Variants in ARAP2 observed in about 807,000 individuals in gnomAD.
ARAP2 encodes arf-GAP with Rho-GAP domain, ANK repeat and PH domain-containing protein 2.
In ARAP2, 148 loss-of-function variants were observed where a neutral mutation model predicts 194.5. The observed-to-expected ratio is 0.76, with a 90% CI of 0.67 to 0.87. ARAP2 has a LOEUF of 0.87. ARAP2 is among the 40% of genes least tolerant of loss of function. The probability of loss-of-function intolerance (pLI) is 0.00; values close to 1 mark genes in which losing one functional copy is unlikely to be tolerated. For synonymous variants in ARAP2, 695 were observed against 683.5 expected (o/e 1.02, Z -0.26); for missense variants, 2,128 against 1,989.7 (o/e 1.07, Z -1.32).
intron 2 of ARAP2, among the ~76,000 whole-genome samples, chr4:36,224,529 C>T (rs1379121738): frequency 1.3e-5 from 2 of 152,094 alleles, no homozygotes; most frequent in African/African-American, 4.8e-5. Flanking sequence ...TACTGCAACA[C>T]ATAAGTTTAC....
intron 5 of ARAP2, among the ~76,000 whole-genome samples, chr4:36,038,990 T>A (rs1720385450): frequency 6.6e-6 from 1 of 152,230 alleles, no homozygotes; most frequent in African/African-American, 2.4e-5. Flanking sequence ...TGTGGCTAAA[T>A]GCCTTTGACA....
At chr4:36,109,350 C>T (rs1719236569) in intron 26 of ARAP2, among the ~76,000 whole-genome samples, 1 of 151,850 alleles carries the variant, frequency 6.6e-6, no homozygotes, top group Non-Finnish European at 1.5e-5. Context: ...ATCTTGTTTA[C>T]TATTATATAT....
At chr4:36,121,142 T>C (rs760779775) in intron 23 of ARAP2, 37 bp downstream of exon 23, 2 of 1,496,450 alleles carry the variant, frequency 1.3e-6, no homozygotes, top group Non-Finnish European at 1.8e-6. Flanking sequence ...AGTGACATTA[T>C]AACCATTTTA....
intron 15 of ARAP2, among the ~76,000 whole-genome samples, chr4:36,154,349 G>C (rs1275075598): frequency 6.6e-6 from 1 of 151,970 alleles, no homozygotes; most frequent in African/African-American, 2.4e-5. Flanking sequence ...ATACAATCTA[G>C]GATTTCACAG....
Position 36,177,934 on chromosome 4 carries a change from C to A in ARAP2, c.1750G>T (p.Ala584Ser), listed in dbSNP as rs1421667373. 1.9e-6 allele frequency: 3 copies of A among 1,613,576 alleles called. No homozygotes were observed. The highest frequency in any genetic ancestry group is 3.3e-5 in the Admixed American group (2 of 59,950). ...KSQSLTSQSQAVVTPEKCGYL... is the reference protein window; with the variant it reads ...KSQSLTSQSQSVVTPEKCGYL... ...CCACATTTCTCAGGTGTAACAACAG[C>A]TTGAGACTGCGAGGTAAGGGATTGT... is the stretch of plus-strand genomic sequence containing the variant. The change falls in exon 9 of 33, where the codon GCT (alanine) becomes TCT (serine). Residue 584 changes from alanine (A) to serine (S), a missense_variant. Physicochemically the swap from Ala to Ser is moderately conservative, Grantham distance 99. Coordinates refer to ENST00000303965, the MANE Select transcript of ARAP2 (RefSeq NM_015230.4).
Position 36,083,242 on chromosome 4 carries a change from C to T in ARAP2, c.4508+126G>A, listed in dbSNP as rs191718924. ...AAGAACCCTGTGACAGGGGAAGCAA[C>T]TTAAAAAAAATAGCCTAAAACTTAC... On this transcript the variant is annotated intron_variant, in intron 29 of 32. Transcript: ENST00000303965. The T allele has an allele frequency of 1.3e-4, 95 of 714,062 alleles. No homozygotes were observed. In the East Asian group the frequency reaches 2.7e-3, roughly 20 times the overall value. The allele number at this position is 714,062 out of a possible 1,614,324, so 44.2% of individuals were successfully genotyped here. A position where few individuals can be genotyped will look rare whatever the true frequency, so the allele number is the denominator to read the frequency against.
At chr4:36,201,501 G>C (rs1435019273) in intron 6 of ARAP2, among the ~76,000 whole-genome samples, 1 of 152,042 alleles carries the variant, frequency 6.6e-6, no homozygotes, top group East Asian at 1.9e-4. Context: ...GGGTTCTGAA[G>C]GGAAACATTT....
chr4:36,216,948 C>T (rs1748054314), intron 2 of ARAP2, among the ~76,000 whole-genome samples: 1 of 152,170 alleles, frequency 6.6e-6, no homozygotes. Flanking sequence ...ACATAGGTTA[C>T]ATGGTATAGC....
At chr4:36,228,457 A>T in intron 2 of ARAP2, 125 bp downstream of exon 2, 1 of 974,500 alleles carries the variant, frequency 1.0e-6, no homozygotes, top group Non-Finnish European at 1.5e-6. Context: ...TTAAAAGAAA[A>T]GGTTGGTTGA....
chr4:36,045,748 A>G (rs1184723948), intron 5 of ARAP2, among the ~76,000 whole-genome samples: 1 of 152,316 alleles, frequency 6.6e-6, no homozygotes, highest in East Asian at 1.9e-4. Flanking sequence ...TAGATATGCT[A>G]ATTAGACTGA....
intron 9 of ARAP2, among the ~76,000 whole-genome samples, chr4:36,007,741 T>C (rs1208926884): frequency 6.6e-6 from 1 of 152,170 alleles, no homozygotes; most frequent in Non-Finnish European, 1.5e-5. Context: ...TTAAATGTTA[T>C]TAATCATAAA....
chr4:36,079,608 G>A (rs1385985614), intron 31 of ARAP2, among the ~76,000 whole-genome samples: 1 of 152,124 alleles, frequency 6.6e-6, no homozygotes, highest in African/African-American at 2.4e-5. Context: ...CTCTAGGGAG[G>A]AAAACAAATA....
At chr4:36,162,720 C>T (rs1333990085) in intron 11 of ARAP2, among the ~76,000 whole-genome samples, 1 of 151,668 alleles carries the variant, frequency 6.6e-6, no homozygotes, top group African/African-American at 2.4e-5. Context: ...CAGTACCCAG[C>T]AGGTAAAAAC....
rs1398950508 is a variant in ARAP2, at chr4:36,227,916, T to C, written c.905+666A>G. On this transcript the variant is annotated intron_variant, in intron 2 of 32. Transcript: ENST00000303965. ...CCAAACTGTTTAGGTAATCCTCCTGTGACCTCAGGATACCAATGACTTACT... is the reference window on the plus strand; with the variant it reads ...CCAAACTGTTTAGGTAATCCTCCTGCGACCTCAGGATACCAATGACTTACT... Among the ~76,000 whole-genome samples, 3 of 152,304 alleles carry C rather than the reference T, an allele frequency of 2.0e-5. No individual in the cohort carries two copies. In the East Asian group the frequency reaches 5.8e-4, roughly 29 times the overall value.
intron 5 of ARAP2, among the ~76,000 whole-genome samples, chr4:36,030,709 T>G (rs1372721979): frequency 6.6e-6 from 1 of 152,122 alleles, no homozygotes; most frequent in Non-Finnish European, 1.5e-5. Context: ...TTTATCAGCT[T>G]CTAATTTAGT....
At chr4:36,157,368 T>A (rs1179090510) in intron 15 of ARAP2, 1 of 92,502 alleles carries the variant, frequency 1.1e-5, no homozygotes, top group East Asian at 2.9e-4. Flanking sequence ...ATACTGACAG[T>A]AAAAATGGAA....
chr4:36,201,319 T>C (rs1384486942), intron 6 of ARAP2, among the ~76,000 whole-genome samples: 2 of 152,204 alleles, frequency 1.3e-5, no homozygotes, highest in East Asian at 3.8e-4. Context: ...AAGCAGACAT[T>C]AGTACATTTT....
intron 7 of ARAP2, among the ~76,000 whole-genome samples, chr4:36,193,017 T>C (rs4552482): frequency 0.9 from 136,777 of 152,212 alleles, 61,572 homozygotes; most frequent in East Asian, 1. Context: ...AAAAAGAAAA[T>C]GGCTTTTCAA....
chr4:36,085,983 G>A lies in ARAP2; in HGVS notation c.4426-2533C>T, dbSNP rs995670319. ...ACATTTTAACAATTTGAACTGTCTA[G>A]TATGAGGTAGCTTTGTAAGGTAGTA... On this transcript the variant is annotated intron_variant, in intron 28 of 32. Transcript: ENST00000303965. Among the ~76,000 whole-genome samples, 8 of 152,126 alleles carry A rather than the reference G, an allele frequency of 5.3e-5. No homozygotes were observed. The East Asian group carries it at 1.5e-3, about 29-fold the overall frequency.
Sources: gnomAD v4.1 joint callset for allele counts (sites outside exome capture counted in the v4.1 genomes callset) on GRCh38, gnomAD v4.1.1 for gene constraint, MANE v1.5 for transcripts, NCBI Gene and HGNC (gene_info 2026-07-23, HGNC 2026-07-21) for gene names.